The following CSMD1 variants were observed in gnomAD, a reference collection of about 807,000 sequenced individuals.
CSMD1 encodes the protein CUB and sushi domain-containing protein 1.
In CSMD1, 213 loss-of-function variants were observed where a neutral mutation model predicts 417.5. The observed-to-expected ratio is 0.51, with a 90% CI of 0.46 to 0.57. The LOEUF (loss-of-function observed/expected upper bound fraction) is 0.57, where lower values mean the gene tolerates loss of function less well. Ranked by LOEUF, CSMD1 falls within the 20% of genes least tolerant of loss-of-function variation. The pLI is 0.00. For synonymous variants in CSMD1, 2,862 were observed against 1,736.8 expected, an observed-to-expected ratio of 1.65 and a Z score of -16.11; for missense variants, 6,923 against 4,529.7, an observed-to-expected ratio of 1.53 and a Z score of -15.17.
rs531247004 is a variant in CSMD1 at position 4,451,924 on chromosome 8, T to A, written c.303-31859A>T. Among the ~76,000 whole-genome samples, 556 of 149,700 alleles carry A rather than the reference T, an allele frequency of 3.7e-3. 5 individuals carry two copies. The highest frequency in any genetic ancestry group is 0.013 in the African/African-American group (541 of 41,032). ...CTAAAATGATACCTGCCCAGAGATG[T>A]AAAATTTAATGTATATTATTATATA... is the stretch of plus-strand genomic sequence containing the variant. On this transcript the variant is annotated intron_variant, in intron 2 of 69. Transcript: ENST00000635120.
chr8:3,337,115 C>A (rs534209409), intron 23 of CSMD1, among the ~76,000 whole-genome samples: 1 of 152,048 alleles, frequency 6.6e-6, no homozygotes, highest in Non-Finnish European at 1.5e-5. Context: ...CCCTGGAACC[C>A]TGGGCATGAC....
chr8:3,712,135 C>G (rs1801544481), intron 6 of CSMD1, among the ~76,000 whole-genome samples: 1 of 144,118 alleles, frequency 6.9e-6, no homozygotes, highest in Non-Finnish European at 1.5e-5. Context: ...TATCTGCTCT[C>G]CTGAGTTGTA....
chr8:4,460,212 C>T (rs919298638), intron 2 of CSMD1, among the ~76,000 whole-genome samples: 3 of 151,676 alleles, frequency 2.0e-5, no homozygotes, highest in Non-Finnish European at 2.9e-5. Context: ...TAATAGAATA[C>T]GTGGAAGTTA....
chr8:3,560,752 G>C (rs930808107), intron 10 of CSMD1, among the ~76,000 whole-genome samples: 2 of 152,144 alleles, frequency 1.3e-5, no homozygotes, highest in East Asian at 1.9e-4. Context: ...AGCCTTTCAG[G>C]AGAACTTTTT....
intron 1 of CSMD1, among the ~76,000 whole-genome samples, chr8:4,966,168 A>T (rs770961413): frequency 4.7e-5 from 7 of 147,542 alleles, no homozygotes; most frequent in Admixed American, 2.1e-4. Flanking sequence ...GTTCCAGACC[A>T]GCTTGGCTAA....
At chr8:4,049,377 C>A (rs1199996189) in intron 3 of CSMD1, among the ~76,000 whole-genome samples, 3 of 151,886 alleles carry the variant, frequency 2.0e-5, no homozygotes, top group African/African-American at 7.3e-5. Flanking sequence ...AATCAAAAAT[C>A]TCTGCAGACA....
At chr8:4,257,963 G>C (rs1241188571) in intron 3 of CSMD1, among the ~76,000 whole-genome samples, 1 of 152,086 alleles carries the variant, frequency 6.6e-6, no homozygotes, top group Non-Finnish European at 1.5e-5. Flanking sequence ...ATCTTTGTCT[G>C]CTCAAGCTGC....
chr8:4,545,366 T>G (rs1377557305), intron 2 of CSMD1, among the ~76,000 whole-genome samples: 1 of 152,178 alleles, frequency 6.6e-6, no homozygotes, highest in Non-Finnish European at 1.5e-5. Context: ...TTTATTCTCC[T>G]CCAAATATGG....
At chr8:3,280,039 C>T (rs932282878) in intron 26 of CSMD1, among the ~76,000 whole-genome samples, 16 of 152,124 alleles carry the variant, frequency 1.1e-4, no homozygotes, top group South Asian at 2.1e-4. Context: ...TGAGCAAAGC[C>T]GTCCGTGTTG....
chr8:3,608,562 G>C (rs1027024185), intron 8 of CSMD1, among the ~76,000 whole-genome samples: 1 of 152,056 alleles, frequency 6.6e-6, no homozygotes, highest in Non-Finnish European at 1.5e-5. Context: ...AGGAGTTTGA[G>C]ACGAGCCTGG....
chr8:3,920,331 G>A (rs916730739), intron 5 of CSMD1, among the ~76,000 whole-genome samples: 1 of 151,550 alleles, frequency 6.6e-6, no homozygotes, highest in African/African-American at 2.4e-5. Flanking sequence ...CACCGTACGT[G>A]CCCTATTTTT....
At chr8:4,179,729 C>G (rs1013050872) in intron 3 of CSMD1, among the ~76,000 whole-genome samples, 6 of 116,392 alleles carry the variant, frequency 5.2e-5, no homozygotes, top group Non-Finnish European at 1.0e-4. Context: ...AACAAATTTA[C>G]AAGAAAAAAA....
intron 10 of CSMD1, among the ~76,000 whole-genome samples, chr8:3,496,043 C>G (rs1046657006): frequency 6.6e-6 from 1 of 152,124 alleles, no homozygotes; most frequent in African/African-American, 2.4e-5. Flanking sequence ...AGCTCTTTTC[C>G]CTGAAGCTTT....
chr8:3,980,941 G>C (rs1192440859), intron 5 of CSMD1, among the ~76,000 whole-genome samples: 1 of 152,142 alleles, frequency 6.6e-6, no homozygotes, highest in Non-Finnish European at 1.5e-5. Context: ...CGTTCCCAGT[G>C]GTTTTCCCAT....
intron 7 of CSMD1, among the ~76,000 whole-genome samples, chr8:3,679,584 T>C (rs547542549): frequency 2.6e-5 from 4 of 152,208 alleles, no homozygotes; most frequent in Admixed American, 1.3e-4. Flanking sequence ...ACAATAATAA[T>C]GGGAGTCTTT....
chr8:4,489,950 T>C (rs961985457), intron 2 of CSMD1, among the ~76,000 whole-genome samples: 9 of 152,144 alleles, frequency 5.9e-5, no homozygotes, highest in African/African-American at 2.2e-4. Context: ...GTGATCGTCA[T>C]TAAGTAGCAA....
At chr8:4,209,668 A>T (rs193183714) in intron 3 of CSMD1, among the ~76,000 whole-genome samples, 111 of 152,250 alleles carry the variant, frequency 7.3e-4, no homozygotes, top group African/African-American at 2.7e-3. Context: ...TTCACCCAGG[A>T]AGGAAATCAA....
At chr8:4,277,267 G>C (rs964998999) in intron 3 of CSMD1, among the ~76,000 whole-genome samples, 2 of 151,804 alleles carry the variant, frequency 1.3e-5, no homozygotes, top group Non-Finnish European at 2.9e-5. Flanking sequence ...TTCTTATGAA[G>C]TTGGGTTGTA....
chr8:4,025,732 G>C (rs996826108), intron 4 of CSMD1, among the ~76,000 whole-genome samples: 1 of 152,124 alleles, frequency 6.6e-6, no homozygotes, highest in Non-Finnish European at 1.5e-5. Context: ...GAATTTTGAG[G>C]TCTCATTTTT....
Sources: gnomAD v4.1 joint callset for allele counts (sites outside exome capture counted in the v4.1 genomes callset) on GRCh38, gnomAD v4.1.1 for gene constraint, MANE v1.5 for transcripts, NCBI Gene and HGNC (gene_info 2026-07-23, HGNC 2026-07-21) for gene names.